Variants in ATXN1 observed in about 807,000 individuals in gnomAD.
ATXN1 encodes the protein ataxin-1.
ATXN1 carries 8 observed loss-of-function variants against 56.4 expected under a neutral mutation model. The ratio of observed to expected loss-of-function variants is 0.14; its 90% confidence interval spans 0.08 to 0.26. The LOEUF is 0.26. Among genes scored for constraint, ATXN1 ranks in the 10% least tolerant of loss-of-function variants. The pLI, the probability that ATXN1 is intolerant of heterozygous loss-of-function variation, is 1.00. For synonymous variants in ATXN1, 514 were observed against 494.6 expected, an observed-to-expected ratio of 1.04 and a Z score of -0.52; for missense variants, 987 against 1,106.5, an observed-to-expected ratio of 0.89 and a Z score of 1.53.
intron 2 of ATXN1, among the ~76,000 whole-genome samples, chr6:16,721,918 A>G (rs1759753374): frequency 6.6e-6 from 1 of 152,164 alleles, no homozygotes; most frequent in South Asian, 2.1e-4. Flanking sequence ...ACCCACATAC[A>G]CAGAATGTCA....
intron 4 of ATXN1, among the ~76,000 whole-genome samples, chr6:16,547,045 G>C (rs974032033): frequency 4.0e-4 from 61 of 152,242 alleles, no homozygotes; most frequent in African/African-American, 1.3e-3. Context: ...CCCAAGGAAA[G>C]TGGGAAAAGG....
chr6:16,629,267 T>C (rs925820734), intron 3 of ATXN1, among the ~76,000 whole-genome samples: 7 of 152,228 alleles, frequency 4.6e-5, no homozygotes, highest in Admixed American at 3.3e-4. Flanking sequence ...GCCATATGTC[T>C]TCTTTTGAAA....
intron 3 of ATXN1, among the ~76,000 whole-genome samples, chr6:16,610,040 A>C (rs975804709): frequency 1.3e-5 from 2 of 152,166 alleles, no homozygotes; most frequent in African/African-American, 4.8e-5. Flanking sequence ...TCAAACCAGC[A>C]AGTGAAGAAC....
At chr6:16,367,362 TCA>T (rs67144687) in intron 6 of ATXN1, among the ~76,000 whole-genome samples, 107,646 of 144,124 alleles carry the variant, frequency 0.75, 41,607 homozygotes, top group Non-Finnish European at 0.86. Flanking sequence ...TCTCTCTCTC[TCA>T]CACACACACA....
chr6:16,477,744 ATCT>A (rs1198169650), intron 6 of ATXN1, among the ~76,000 whole-genome samples: 1 of 152,208 alleles, frequency 6.6e-6, no homozygotes, highest in Admixed American at 6.5e-5. Context: ...ATCGCCTAAC[ATCT>A]TGGCCCGGCA....
chr6:16,620,534 C>G (rs942657571), intron 3 of ATXN1, among the ~76,000 whole-genome samples: 20 of 152,086 alleles, frequency 1.3e-4, no homozygotes, highest in African/African-American at 4.6e-4. Context: ...TTCTCATATC[C>G]TAGGATCCTA....
At chr6:16,662,856 G>A (rs1249442993) in intron 2 of ATXN1, among the ~76,000 whole-genome samples, 2 of 151,990 alleles carry the variant, frequency 1.3e-5, no homozygotes, top group Non-Finnish European at 2.9e-5. Context: ...GTAATAAATA[G>A]TCCTATAAAC....
intron 6 of ATXN1, among the ~76,000 whole-genome samples, chr6:16,445,647 G>C (rs1269621126): frequency 6.6e-6 from 1 of 150,620 alleles, no homozygotes; most frequent in East Asian, 2.0e-4. Flanking sequence ...AGCATTAGGT[G>C]TATCTCCTAA....
intron 4 of ATXN1, among the ~76,000 whole-genome samples, chr6:16,556,516 A>G (rs1448136153): frequency 6.6e-6 from 1 of 152,230 alleles, no homozygotes; most frequent in African/African-American, 2.4e-5. Flanking sequence ...CTACTATTTT[A>G]TCACTGCGGG....
At chr6:16,439,694 G>A (rs968314183) in intron 6 of ATXN1, among the ~76,000 whole-genome samples, 6 of 152,086 alleles carry the variant, frequency 3.9e-5, no homozygotes, top group Admixed American at 2.6e-4. Context: ...ATCTGTGACC[G>A]AAATCAAACT....
chr6:16,476,523 CAAAAAAA>C (rs201571540), intron 6 of ATXN1, among the ~76,000 whole-genome samples: 3 of 138,502 alleles, frequency 2.2e-5, no homozygotes, highest in Non-Finnish European at 4.7e-5. Context: ...TATAATAATC[CAAAAAAA>C]AAAACAAAAA....
rs367570266 is a variant in ATXN1, at chr6:16,362,467, G to A, written c.-160-33997C>T. Among the ~76,000 whole-genome samples, 7 of 151,848 alleles carry A rather than the reference G, an allele frequency of 4.6e-5. No individual in the cohort carries two copies. The East Asian group carries it at 7.7e-4, about 17-fold the overall frequency. On this transcript the variant is annotated intron_variant, in intron 6 of 7. Coordinates refer to ENST00000436367, the MANE Select transcript of ATXN1 (RefSeq NM_001128164.2). Reference sequence around the variant, plus strand: ...TCCTGTTCCTGGCCCCCACCCTCCCGCTCTCAGCAGTTACCCCCATTATCA... The same window carrying A: ...TCCTGTTCCTGGCCCCCACCCTCCCACTCTCAGCAGTTACCCCCATTATCA...
At chr6:16,631,150 G>C (rs144292130) in intron 3 of ATXN1, among the ~76,000 whole-genome samples, 20 of 152,332 alleles carry the variant, frequency 1.3e-4, no homozygotes, top group Non-Finnish European at 2.4e-4. Context: ...TTTTAAAGCT[G>C]AGAAAACAGA....
At chr6:16,417,304 G>A (rs1192525332) in intron 6 of ATXN1, among the ~76,000 whole-genome samples, 1 of 152,160 alleles carries the variant, frequency 6.6e-6, no homozygotes. Flanking sequence ...CAAGTCACTG[G>A]GATTACAGGC....
At chr6:16,456,524 G>T (rs1301016525) in intron 6 of ATXN1, among the ~76,000 whole-genome samples, 1 of 152,164 alleles carries the variant, frequency 6.6e-6, no homozygotes, top group Non-Finnish European at 1.5e-5. Context: ...TAAGCCTAGG[G>T]TCGACAGAGA....
At chr6:16,309,871 TA>T (rs202094433) in intron 7 of ATXN1, among the ~76,000 whole-genome samples, 3,206 of 151,890 alleles carry the variant, frequency 0.021, 93 homozygotes, top group African/African-American at 0.068. Context: ...CCATCTCTAC[TA>T]AAAATGCAAA....
At chr6:16,345,384 C>G (rs563305414) in intron 6 of ATXN1, among the ~76,000 whole-genome samples, 2 of 152,280 alleles carry the variant, frequency 1.3e-5, no homozygotes, top group Admixed American at 6.5e-5. Flanking sequence ...GTCTTAGGCT[C>G]AATCTCAAGG....
intron 4 of ATXN1, among the ~76,000 whole-genome samples, chr6:16,558,355 T>A (rs1433833852): frequency 1.3e-5 from 2 of 148,308 alleles, no homozygotes; most frequent in Non-Finnish European, 3.0e-5. Flanking sequence ...ATATGAATCA[T>A]ATCTCAATAA....
At chr6:16,378,478 C>G (rs1449907677) in intron 6 of ATXN1, among the ~76,000 whole-genome samples, 1 of 152,158 alleles carries the variant, frequency 6.6e-6, no homozygotes. Flanking sequence ...GACTAGAAAA[C>G]AAATCTACAG....
Sources: gnomAD v4.1 joint callset for allele counts (sites outside exome capture counted in the v4.1 genomes callset) on GRCh38, gnomAD v4.1.1 for gene constraint, MANE v1.5 for transcripts, NCBI Gene and HGNC (gene_info 2026-07-23, HGNC 2026-07-21) for gene names.